PISD: variants seen among roughly 807,000 people sequenced by gnomAD.
The protein encoded by PISD is phosphatidylserine decarboxylase proenzyme, mitochondrial.
In PISD, 31 loss-of-function variants were observed where a neutral mutation model predicts 43.5. The ratio of observed to expected loss-of-function variants is 0.71; its 90% CI spans 0.54 to 0.96. The LOEUF (loss-of-function observed/expected upper bound fraction) is 0.96. PISD is among the 40% of genes least tolerant of loss of function. The probability of loss-of-function intolerance (pLI) is 0.00; values close to 1 mark genes in which losing one functional copy is unlikely to be tolerated. For synonymous variants in PISD, 259 were observed against 228.7 expected, an observed-to-expected ratio of 1.13 and a Z score of -1.20; for missense variants, 523 against 548.4, an observed-to-expected ratio of 0.95 and a Z score of 0.46.
At chr22:31,637,207 A>ATATATATATG in intron 3 of PISD, among the ~76,000 whole-genome samples, 1 of 116,272 alleles carries the variant, frequency 8.6e-6, no homozygotes, top group East Asian at 2.7e-4. Context: ...ATATATATAT[A>ATATATATATG]GAAAAATTAG....
At chr22:31,625,831 G>T in intron 3 of PISD, 2 of 1,594,798 alleles carry the variant, frequency 1.3e-6, no homozygotes, top group Non-Finnish European at 1.7e-6. Context: ...GGCGCAGGGA[G>T]GGCGGGGCGA....
intron 3 of PISD, among the ~76,000 whole-genome samples, chr22:31,647,630 G>A (rs9619218): frequency 0.026 from 3,957 of 152,270 alleles, 151 homozygotes; most frequent in African/African-American, 0.089. Flanking sequence ...GTTTCATTAC[G>A]TATCGTGCAT....
At chr22:31,640,117 C>A (rs1223006405) in intron 3 of PISD, among the ~76,000 whole-genome samples, 1 of 151,952 alleles carries the variant, frequency 6.6e-6, no homozygotes. Flanking sequence ...CGCGACGGGG[C>A]TAAATGGAAC....
intron 3 of PISD, among the ~76,000 whole-genome samples, chr22:31,622,370 C>T (rs930356085): frequency 3.9e-5 from 6 of 152,184 alleles, no homozygotes; most frequent in African/African-American, 1.4e-4. Context: ...AAAGTGTGTC[C>T]CTCTGTCTTA....
upstream of PISD, chr22:31,662,527 C>G: frequency 2.4e-6 from 1 of 415,592 alleles, no homozygotes. Context: ...TTCAAGTGAT[C>G]GAACTTGCTC....
At chr22:31,620,747 C>T in intron 6 of PISD, 34 bp from the exon 7 acceptor site, 3 of 1,612,044 alleles carry the variant, frequency 1.9e-6, no homozygotes, top group South Asian at 1.1e-5. Context: ...ACTCCCCGTC[C>T]AGAGCCCGGT....
intron 3 of PISD, among the ~76,000 whole-genome samples, chr22:31,627,653 G>A (rs898588167): frequency 5.3e-5 from 8 of 152,370 alleles, no homozygotes; most frequent in African/African-American, 1.2e-4. Flanking sequence ...CTTGAGGGGA[G>A]GCAGAGAGGA....
In PISD at chr22:31,650,656, T is replaced by C. The variant is rs554986083; in HGVS notation, c.145+43A>G. 11 of 1,161,408 alleles carry C rather than the reference T, an allele frequency of 9.5e-6. No individual in the cohort carries two copies. The East Asian group carries it at 2.6e-4, about 27-fold the overall frequency. The allele number at this position is 1,161,408 out of a possible 1,614,324, so 71.9% of individuals were successfully genotyped here. ...TATCCCAATTTACAGATGACCAAAC[T>C]GAGGCAGAGAGAGGGTCACCACCAT... On this transcript the variant is annotated intron_variant, in intron 2 of 7. Coordinates refer to ENST00000439502, the MANE Select transcript of PISD (RefSeq NM_001326411.2).
chr22:31,628,356 C>T (rs918009182), intron 3 of PISD: 11 of 204,846 alleles, frequency 5.4e-5, no homozygotes, highest in Non-Finnish European at 6.9e-5. Context: ...GAAGCCCAAG[C>T]CAAAGATTTC....
intron 1 of PISD, among the ~76,000 whole-genome samples, chr22:31,656,364 A>T (rs2074176571): frequency 6.6e-6 from 1 of 151,476 alleles, no homozygotes; most frequent in Non-Finnish European, 1.5e-5. Context: ...AAAAAAATAA[A>T]GGCCGGGCAT....
chr22:31,619,823 T>C lies in PISD; in HGVS notation c.1019A>G (p.Asn340Ser). The C allele has an allele frequency of 6.2e-7, 1 of 1,613,168 alleles. No individual in the cohort carries two copies. Among genetic ancestry groups the C allele is most frequent in the Non-Finnish European group, 8.5e-7 (1 of 1,179,324 alleles). ...GGAGCCCTTGCTGTGCCTTGGGCTGTTTGTGTGCAGGTCCTGTGGTGATAG... is the reference window on the plus strand; with the variant it reads ...GGAGCCCTTGCTGTGCCTTGGGCTGCTTGTGTGCAGGTCCTGTGGTGATAG... The part of the protein sequence containing the change: ...RIYFDRDLHT[N>S]SPRHSKGSYN... The change falls in exon 8 of 8, where the codon AAC (asparagine) becomes AGC (serine). Residue 340 changes from asparagine (N) to serine (S), a missense_variant. Coordinates refer to ENST00000439502, the MANE Select transcript of PISD (RefSeq NM_001326411.2).
At position 31,619,733 on chromosome 22, in the gene PISD, T is replaced by C; in HGVS notation, c.1109A>G (p.His370Arg). The C allele has an allele frequency of 6.2e-7, 1 of 1,614,118 alleles. No individual in the cohort carries two copies. Among genetic ancestry groups the C allele is most frequent in the Non-Finnish European group, 8.5e-7 (1 of 1,179,944 alleles). Residue 370 changes from histidine (H) to arginine (R), a missense_variant, in exon 8 of 8, where the codon CAC becomes CGC. Physicochemically the swap from His to Arg is conservative, Grantham distance 29. Coordinates refer to ENST00000439502, the MANE Select transcript of PISD (RefSeq NM_001326411.2). ...GGAGCCCAGGTTGAACTCGCCCAGG[T>C]GCTCGCCCTTACGCATGGGGACGCC... ...REGVPMRKGE[H>R]LGEFNLGSTI...
chr22:31,662,436 T>G (rs2074349337), upstream of PISD: 3 of 563,054 alleles, frequency 5.3e-6, no homozygotes, highest in Admixed American at 6.3e-5. Context: ...GTCGCAGCAC[T>G]GCCACTCCTC....
chr22:31,661,160 G>T (rs181518301), intron 1 of PISD, among the ~76,000 whole-genome samples: 106 of 152,330 alleles, frequency 7.0e-4, no homozygotes, highest in Non-Finnish European at 9.1e-4. Context: ...TCTCCTGAGA[G>T]ATAATCATTT....
At chr22:31,628,744 C>A in intron 3 of PISD, 1 of 787,480 alleles carries the variant, frequency 1.3e-6, no homozygotes, top group Non-Finnish European at 1.5e-6. Flanking sequence ...CTGGCCACCC[C>A]CTTGAGGCTC....
chr22:31,646,765 A>C (rs1014529137), intron 3 of PISD, among the ~76,000 whole-genome samples: 14 of 152,338 alleles, frequency 9.2e-5, no homozygotes, highest in African/African-American at 3.4e-4. Context: ...TTACAGGGGA[A>C]ACCAGCAACG....
intron 3 of PISD, chr22:31,623,997 A>G (rs1187231292): frequency 1.4e-6 from 1 of 692,398 alleles, no homozygotes; most frequent in Non-Finnish European, 2.4e-6. Flanking sequence ...GAGCCCAGCA[A>G]GCACTGGCTG....
intron 4 of PISD, 47 bp downstream of exon 4, chr22:31,621,602 G>A: frequency 1.9e-6 from 3 of 1,598,104 alleles, no homozygotes; most frequent in Non-Finnish European, 1.7e-6. Flanking sequence ...TGCTGGGGAG[G>A]CAGGAAAAAG....
In PISD at chr22:31,648,197, G is replaced by A. The variant is rs757726502; in HGVS notation, c.225C>T (p.Gly75=). 11 of 1,611,920 alleles carry A rather than the reference G, an allele frequency of 6.8e-6. No individual in the cohort carries two copies. Among genetic ancestry groups the A allele is most frequent in the East Asian group, 6.7e-5 (3 of 44,854 alleles). Residue 75 remains glycine (G), a synonymous_variant, in exon 3 of 8, where the codon GGC becomes GGT. Coordinates refer to ENST00000439502, the MANE Select transcript of PISD (RefSeq NM_001326411.2). ...CATACTGCCGGTACCCTGCATACCC[G>A]CCGCCTGTCACCAACAGAATGGGCA... ...RPLPILLVTG[G]GYAGYRQYEK...
Sources: gnomAD v4.1 joint callset for allele counts (sites outside exome capture counted in the v4.1 genomes callset) on GRCh38, gnomAD v4.1.1 for gene constraint, MANE v1.5 for transcripts, NCBI Gene and HGNC (gene_info 2026-07-23, HGNC 2026-07-21) for gene names.